The following PSMD5 variants were observed in gnomAD, a reference collection of about 807,000 sequenced individuals.
PSMD5 encodes the protein proteasome 26S subunit, non-ATPase 5.
A neutral mutation model predicts 52.1 loss-of-function variants in PSMD5; 40 were observed. The observed-to-expected ratio is 0.77, with a 90% CI of 0.60 to 1.00. The LOEUF is 1.00. Ranked by LOEUF, PSMD5 falls within the 50% of genes least tolerant of loss-of-function variation. The probability of loss-of-function intolerance (pLI) is 0.00; values close to 1 mark genes in which losing one functional copy is unlikely to be tolerated. For synonymous variants in PSMD5, 211 were observed against 226.6 expected, an observed-to-expected ratio of 0.93 and a Z score of 0.62; for missense variants, 575 against 605.2, an observed-to-expected ratio of 0.95 and a Z score of 0.52.
At chr9:120,821,500 G>T in intron 7 of PSMD5, 36 bp from the exon 8 acceptor site, 3 of 1,399,992 alleles carry the variant, frequency 2.1e-6, no homozygotes, top group Non-Finnish European at 2.0e-6. Context: ...TCTTTATTAT[G>T]GTAAAATATA....
chr9:120,824,480 C>T lies in PSMD5; in HGVS notation c.1006+14G>A, dbSNP rs1472379768. The T allele has an allele frequency of 8.1e-6, 13 of 1,613,674 alleles. No individual in the cohort carries two copies. The highest frequency in any genetic ancestry group is 1.1e-5 in the Non-Finnish European group (13 of 1,179,640). On this transcript the variant is annotated intron_variant, in intron 7 of 9. Coordinates refer to ENST00000210313, the MANE Select transcript of PSMD5 (RefSeq NM_005047.4). ...AGATTAAGATATCCCTGAACAGGGCCAAGTCATACCAACCTGTTTTCTGTA... is the reference window on the plus strand; with the variant it reads ...AGATTAAGATATCCCTGAACAGGGCTAAGTCATACCAACCTGTTTTCTGTA...
chr9:120,826,400 C>A (rs905670365), intron 6 of PSMD5, among the ~76,000 whole-genome samples: 2 of 152,116 alleles, frequency 1.3e-5, no homozygotes, highest in Admixed American at 6.5e-5. Context: ...TCCTTCTATA[C>A]TTTATTTGTT....
In PSMD5 at chr9:120,820,986, G is replaced by C. The variant is rs1253046312; in HGVS notation, c.1117-7C>G. 1 of 1,570,630 alleles carries C rather than the reference G, an allele frequency of 6.4e-7. No individual in the cohort carries two copies. Among genetic ancestry groups the C allele is most frequent in the Non-Finnish European group, 8.6e-7 (1 of 1,167,470 alleles). On this transcript the variant is annotated splice_polypyrimidine_tract_variant and splice_region_variant and intron_variant, in intron 8 of 9. Transcript: ENST00000210313. ...CATCAGTCTGCTGCTCAGGCTACAG[G>C]AAAGAAAAGGAAAATCTCATCAAAA... is the stretch of plus-strand genomic sequence containing the variant.
At chr9:120,835,691 C>T (rs1393542808) in intron 1 of PSMD5, among the ~76,000 whole-genome samples, 1 of 151,360 alleles carries the variant, frequency 6.6e-6, no homozygotes, top group Non-Finnish European at 1.5e-5. Flanking sequence ...ATAGCGCCAT[C>T]GCACTCCAGC....
At position 120,816,122 on chromosome 9, in the gene PSMD5, A is replaced by T. The variant is rs188582222; in HGVS notation, c.*1784T>A. Reference sequence around the variant, plus strand: ...CTAAAAAAAAAATCAGAATGTGTAGACCATACATAGGAGAGAGGGCATCCC... The same window carrying T: ...CTAAAAAAAAAATCAGAATGTGTAGTCCATACATAGGAGAGAGGGCATCCC... On this transcript the variant is annotated 3_prime_UTR_variant, in exon 10 of 10. Coordinates refer to ENST00000210313, the MANE Select transcript of PSMD5 (RefSeq NM_005047.4). The T allele has an allele frequency of 6.4e-6, 1 of 155,716 alleles. No homozygotes were observed. Among genetic ancestry groups the T allele is most frequent in the Non-Finnish European group, 1.4e-5 (1 of 70,526 alleles). 9.6% of individuals were successfully genotyped at this position (155,716 alleles called of 1,614,324 possible).
At chr9:120,818,975 G>A (rs1045370301) in intron 9 of PSMD5, among the ~76,000 whole-genome samples, 10 of 152,190 alleles carry the variant, frequency 6.6e-5, no homozygotes, top group African/African-American at 2.4e-4. Flanking sequence ...GGACTGGGCA[G>A]AGGTAGCAAG....
chr9:120,837,180 C>A (rs904768708), intron 1 of PSMD5, among the ~76,000 whole-genome samples: 1 of 152,260 alleles, frequency 6.6e-6, no homozygotes, highest in East Asian at 1.9e-4. Context: ...TTAGCCACCG[C>A]GCCCAGCCAA....
chr9:120,819,329 T>G (rs1234766668), intron 9 of PSMD5, among the ~76,000 whole-genome samples: 1 of 152,212 alleles, frequency 6.6e-6, no homozygotes, highest in African/African-American at 2.4e-5. Context: ...TTTGAGAAAC[T>G]TTGGCCTGCT....
chr9:120,820,904 G>A lies in PSMD5; in HGVS notation c.1192C>T (p.Leu398Phe), dbSNP rs747084173. 3 of 1,609,470 alleles carry A rather than the reference G, an allele frequency of 1.9e-6. No homozygotes were observed. Among genetic ancestry groups the A allele is most frequent in the Non-Finnish European group, 2.5e-6 (3 of 1,178,796 alleles). ...FSSLSRDPLE[L>F]FRGISSQPFP... ...GGCTGACTACTAATGCCACGGAAGA[G>A]CTCCAGTGGATCCCGAGATAAAGAA... Residue 398 changes from leucine to phenylalanine, a missense_variant, in exon 9 of 10, where the codon CTC becomes TTC. Coordinates refer to ENST00000210313, the MANE Select transcript of PSMD5 (RefSeq NM_005047.4).
Position 120,817,819 on chromosome 9 carries a change from G to C in PSMD5, c.*87C>G, listed in dbSNP as rs1473990978. 2 of 1,361,220 alleles carry C rather than the reference G, an allele frequency of 1.5e-6. No homozygotes were observed. The highest frequency in any genetic ancestry group is 2.9e-5 in the African/African-American group (2 of 68,516). The allele number at this position is 1,361,220 out of a possible 1,614,324, so 84.3% of individuals were successfully genotyped here. ...CCATGATAATTCTTGGGGAAAGGAA[G>C]TCTCTTTTGTGAAATATAGATGGAG... On this transcript the variant is annotated 3_prime_UTR_variant, in exon 10 of 10. Coordinates refer to ENST00000210313, the MANE Select transcript of PSMD5 (RefSeq NM_005047.4).
intron 1 of PSMD5, among the ~76,000 whole-genome samples, chr9:120,841,286 A>T (rs1029806050): frequency 5.3e-5 from 8 of 152,144 alleles, no homozygotes; most frequent in African/African-American, 1.9e-4. Flanking sequence ...TTCATTCAAC[A>T]ACACAGAGAT....
intron 1 of PSMD5, among the ~76,000 whole-genome samples, chr9:120,839,165 A>C (rs540026634): frequency 6.6e-6 from 1 of 152,316 alleles, no homozygotes; most frequent in East Asian, 1.9e-4. Context: ...AGGAAAGTGC[A>C]AGTCAGGCTT....
chr9:120,827,715 A>G (rs1283804134), intron 5 of PSMD5, among the ~76,000 whole-genome samples: 1 of 152,240 alleles, frequency 6.6e-6, no homozygotes, highest in Non-Finnish European at 1.5e-5. Context: ...TGTTTAAAGA[A>G]CACAGGACAA....
intron 9 of PSMD5, among the ~76,000 whole-genome samples, chr9:120,820,479 C>G (rs578095700): frequency 1.3e-5 from 2 of 152,104 alleles, no homozygotes; most frequent in Non-Finnish European, 2.9e-5. Flanking sequence ...GGTCCAGAGA[C>G]ACAAAACAAA....
In PSMD5 at chr9:120,817,560, C is replaced by G. The variant is rs1251986606; in HGVS notation, c.*346G>C. On this transcript the variant is annotated 3_prime_UTR_variant, in exon 10 of 10. Coordinates refer to ENST00000210313, the MANE Select transcript of PSMD5 (RefSeq NM_005047.4). ...GCTGGGAATTATAGGTGTTAGCCACCGCGCCCAGCCCTGAAGCAGGCTTTT... is the reference window on the plus strand; with the variant it reads ...GCTGGGAATTATAGGTGTTAGCCACGGCGCCCAGCCCTGAAGCAGGCTTTT... 4 of 199,668 alleles carry G rather than the reference C, an allele frequency of 2.0e-5. No individual in the cohort carries two copies. In the East Asian group the frequency reaches 4.6e-4, roughly 23 times the overall value. The allele number at this position is 199,668 out of a possible 1,614,324, so 12.4% of individuals were successfully genotyped here. A position where few individuals can be genotyped will look rare whatever the true frequency, so the allele number is the denominator to read the frequency against.
At chr9:120,839,960 A>C (rs959057254) in intron 1 of PSMD5, among the ~76,000 whole-genome samples, 3 of 151,164 alleles carry the variant, frequency 2.0e-5, no homozygotes, top group African/African-American at 7.3e-5. Flanking sequence ...ATCTCTATTA[A>C]AAACACAAAA....
At chr9:120,831,662 C>A (rs1250340555) in intron 3 of PSMD5, 170 bp downstream of exon 3, 10 of 1,143,568 alleles carry the variant, frequency 8.7e-6, no homozygotes, top group Non-Finnish European at 1.2e-5. Context: ...AAGGGGTTTA[C>A]TAGTATTTAC....
At chr9:120,826,699 T>C (rs1375145687) in intron 6 of PSMD5, 66 bp downstream of exon 6, 13 of 1,536,540 alleles carry the variant, frequency 8.5e-6, no homozygotes, top group Non-Finnish European at 1.2e-5. Flanking sequence ...CCCAACCCCC[T>C]GATGTCAGAG....
intron 2 of PSMD5, among the ~76,000 whole-genome samples, chr9:120,832,376 T>TC (rs2045167269): frequency 2.0e-5 from 3 of 148,010 alleles, no homozygotes; most frequent in South Asian, 2.1e-4. Flanking sequence ...ACTGATATCT[T>TC]CCCCCTTTCC....
Sources: allele counts gnomAD v4.1 joint callset (sites outside exome capture counted in the v4.1 genomes callset), GRCh38; gene constraint gnomAD v4.1.1; transcripts MANE v1.5; gene names NCBI Gene and HGNC (gene_info 2026-07-23, HGNC 2026-07-21).